Variants in ENOSF1 observed in about 807,000 individuals in gnomAD.
The protein encoded by ENOSF1 is enolase superfamily member 1, also known as mitochondrial enolase superfamily member 1.
A neutral mutation model predicts 68.2 loss-of-function variants in ENOSF1; 73 were observed. The observed-to-expected ratio is 1.07, with a 90% confidence interval of 0.89 to 1.30. The LOEUF is 1.30. Among genes scored for constraint, ENOSF1 ranks in the 50% most tolerant of loss-of-function variants. ENOSF1 has a pLI of 0.00. For synonymous variants in ENOSF1, 223 were observed against 210.4 expected (o/e 1.06, Z -0.52); for missense variants, 589 against 554.5 (o/e 1.06, Z -0.62).
intron 14 of ENOSF1, 116 bp downstream of exon 14, chr18:677,229 G>T: frequency 1.2e-6 from 1 of 823,436 alleles, no homozygotes; most frequent in Non-Finnish European, 1.9e-6. Flanking sequence ...AGAGTTATAG[G>T]ACATGCCAGC....
intron 2 of ENOSF1, among the ~76,000 whole-genome samples, chr18:701,946 A>AAAT (rs2078400198): frequency 6.6e-6 from 1 of 150,642 alleles, no homozygotes; most frequent in African/African-American, 2.4e-5. Flanking sequence ...ATAGATAAAT[A>AAAT]AATAAATAAA....
chr18:664,221 G>A, the ENOSF1 span, among the ~76,000 whole-genome samples: 32 of 152,066 alleles, frequency 2.1e-4, no homozygotes, highest in Admixed American at 3.3e-4. Flanking sequence ...TCTCCTTGAA[G>A]AGGTCCTTCA....
intron 1 of ENOSF1, chr18:712,245 C>A: frequency 6.6e-7 from 1 of 1,519,192 alleles, no homozygotes; most frequent in South Asian, 1.2e-5. Flanking sequence ...AGTGTCTCCC[C>A]CAGGCGCGCC....
intron 1 of ENOSF1, among the ~76,000 whole-genome samples, chr18:708,425 C>T (rs1333183493): frequency 7.2e-5 from 11 of 151,950 alleles, no homozygotes; most frequent in Non-Finnish European, 1.6e-4. Context: ...AATCCCAACA[C>T]TTTGGGAGGC....
At chr18:695,732 A>G (rs1198610792) in intron 3 of ENOSF1, among the ~76,000 whole-genome samples, 1 of 152,112 alleles carries the variant, frequency 6.6e-6, no homozygotes, top group Non-Finnish European at 1.5e-5. Flanking sequence ...GGCGTGAGCT[A>G]CTGTGCCCAG....
At chr18:669,893 T>A (rs115701293), downstream of ENOSF1, among the ~76,000 whole-genome samples, 350 of 151,898 alleles carry the variant, frequency 2.3e-3, 1 homozygote, top group African/African-American at 8.1e-3. Context: ...ACCCAGGAAT[T>A]TGAGGCTGTA....
chr18:687,734 G>T, intron 9 of ENOSF1: 1 of 152,846 alleles, frequency 6.5e-6, no homozygotes. Flanking sequence ...AGTCAGAAGG[G>T]AGAAGTGCAG....
Position 700,868 on chromosome 18 carries a change from C to T in ENOSF1, c.194-3513G>A, listed in dbSNP as rs1366293658. The stretch of plus-strand genomic sequence containing the variant: ...TCACGCCATCGCACTCCAGTCTGGG[C>T]GACAAGAGCGAAACTCTGCCTCAAA... On this transcript the variant is annotated intron_variant, in intron 2 of 15. Coordinates refer to ENST00000647584, the MANE Select transcript of ENOSF1 (RefSeq NM_017512.7). Among the ~76,000 whole-genome samples the T allele has an allele frequency of 3.5e-5, 4 of 114,524 alleles. No homozygotes were observed. In the South Asian group the frequency reaches 8.4e-4, roughly 24 times the overall value. The allele number at this position is 114,524 out of a possible 152,430, so 75.1% of individuals were successfully genotyped here.
At chr18:690,092 T>C (rs995522773) in intron 8 of ENOSF1, among the ~76,000 whole-genome samples, 2 of 152,110 alleles carry the variant, frequency 1.3e-5, no homozygotes, top group African/African-American at 2.4e-5. Context: ...CCTTGCCCTG[T>C]GTGTCTCTTC....
intron 11 of ENOSF1, among the ~76,000 whole-genome samples, chr18:679,792 G>GCGACTC (rs1365466115): frequency 6.6e-6 from 1 of 152,072 alleles, no homozygotes; most frequent in Non-Finnish European, 1.5e-5. Flanking sequence ...TACTGTGACT[G>GCGACTC]CGACTCCACA....
In ENOSF1 at chr18:670,562, C is replaced by A; in HGVS notation, c.*3743G>T. ...GCAGAGGCTGTTATGGACATCACTGCAGCCCAGTGGCTCTCTCTCCTGGTC... is the reference window on the plus strand; with the variant it reads ...GCAGAGGCTGTTATGGACATCACTGAAGCCCAGTGGCTCTCTCTCCTGGTC... On this transcript the variant is annotated 3_prime_UTR_variant, in exon 16 of 16. Coordinates refer to ENST00000647584, the MANE Select transcript of ENOSF1 (RefSeq NM_017512.7). The A allele has an allele frequency of 2.1e-6, 2 of 941,120 alleles. No individual in the cohort carries two copies. The highest frequency in any genetic ancestry group is 3.2e-6 in the Non-Finnish European group (2 of 623,792). The allele number at this position is 941,120 out of a possible 1,614,324, so 58.3% of individuals were successfully genotyped here. A position where few individuals can be genotyped will look rare whatever the true frequency, so the allele number is the denominator to read the frequency against.
chr18:709,590 G>T (rs2847165), intron 1 of ENOSF1, among the ~76,000 whole-genome samples: 91,701 of 151,764 alleles, frequency 0.6, 28,041 homozygotes, highest in African/African-American at 0.72. Context: ...GGACAACATG[G>T]TGAAACCCCG....
At position 671,275 on chromosome 18, in the gene ENOSF1, T is replaced by G; in HGVS notation, c.*3030A>C. ...AATGGAAAAGCTACACTAAATTATT[T>G]TTTTAAAAAAAGCCTTGCGGTGTCT... On this transcript the variant is annotated 3_prime_UTR_variant, in exon 16 of 16. Transcript: ENST00000647584. 2.4e-6 allele frequency: 2 copies of G among 824,080 alleles called. No homozygotes were observed. The highest frequency in any genetic ancestry group is 1.4e-5 in the South Asian group (1 of 69,526). The allele number at this position is 824,080 out of a possible 1,614,324, so 51.0% of individuals were successfully genotyped here.
At chr18:708,859 G>GGGATTTGAGCGATGAGGCTC (rs1476935609) in intron 1 of ENOSF1, among the ~76,000 whole-genome samples, 3 of 152,180 alleles carry the variant, frequency 2.0e-5, no homozygotes, top group Non-Finnish European at 4.4e-5. Flanking sequence ...TTGGGTTCCT[G>GGGATTTGAGCGATGAGGCTC]AAGGAGTTGA....
At chr18:688,658 G>T in intron 8 of ENOSF1, 50 bp from the exon 9 acceptor site, 1 of 1,540,528 alleles carries the variant, frequency 6.5e-7, no homozygotes, top group South Asian at 1.1e-5. Context: ...CCCTTGGTCT[G>T]ACCAGGAAGT....
At chr18:698,044 T>C (rs935691967) in intron 2 of ENOSF1, among the ~76,000 whole-genome samples, 8 of 152,218 alleles carry the variant, frequency 5.3e-5, no homozygotes, top group Non-Finnish European at 1.2e-4. Context: ...TCCACCCGCC[T>C]TGGCCTCCCA....
At chr18:667,263 A>AT (rs2074861254), downstream of ENOSF1, among the ~76,000 whole-genome samples, 1 of 11,740 alleles carries the variant, frequency 8.5e-5, no homozygotes, top group Admixed American at 6.2e-4. Context: ...ATGGTGATGG[A>AT]GATGGTGATG....
In ENOSF1 at chr18:691,248, T is replaced by C; in HGVS notation, c.452A>G (p.Asp151Gly). 6.2e-7 allele frequency: 1 copy of C among 1,614,168 alleles called. No individual in the cohort carries two copies. The highest frequency in any genetic ancestry group is 8.5e-7 in the Non-Finnish European group (1 of 1,180,028). Reference sequence around the variant, plus strand: ...CAGGACATCAGTGATGTACCTGAAATCTATGCAGGATACCAGCATCCTGGG... The same window carrying C: ...CAGGACATCAGTGATGTACCTGAAACCTATGCAGGATACCAGCATCCTGGG... ...MDPRMLVSCI[D>G]FRYITDVLTE... The change falls in exon 6 of 16, where the codon GAT (aspartate) becomes GGT (glycine). Residue 151 changes from aspartate to glycine, a missense_variant. Asp to Gly is a moderately conservative substitution (Grantham distance 94). Coordinates refer to ENST00000647584, the MANE Select transcript of ENOSF1 (RefSeq NM_017512.7).
In ENOSF1 at chr18:697,237, T is replaced by C. The variant is rs1568104794; in HGVS notation, c.309+3A>G. On this transcript the variant is annotated splice_donor_region_variant and intron_variant, in intron 3 of 15. Coordinates refer to ENST00000647584, the MANE Select transcript of ENOSF1 (RefSeq NM_017512.7). ...TAAGCATTTTACAAAATAGGTCCCT[T>C]ACCCATCTGAGCTGCCCATCACTTG... The C allele has an allele frequency of 1.2e-6, 2 of 1,609,092 alleles. No individual in the cohort carries two copies. Among genetic ancestry groups the C allele is most frequent in the Non-Finnish European group, 1.7e-6 (2 of 1,175,422 alleles).
Sources: allele counts gnomAD v4.1 joint callset (sites outside exome capture counted in the v4.1 genomes callset), GRCh38; gene constraint gnomAD v4.1.1; transcripts MANE v1.5; gene names NCBI Gene and HGNC (gene_info 2026-07-23, HGNC 2026-07-21).